Variants in KCNQ1 observed in about 807,000 individuals in gnomAD.
KCNQ1 encodes potassium voltage-gated channel subfamily KQT member 1.
Under a neutral mutation model 72.4 loss-of-function variants are expected in KCNQ1, and 49 were observed. The ratio of observed to expected loss-of-function variants is 0.68; its 90% CI spans 0.54 to 0.86. KCNQ1 has a LOEUF of 0.86. KCNQ1 is among the 40% of genes least tolerant of loss of function. KCNQ1 has a pLI of 0.00. For synonymous variants in KCNQ1, 450 were observed against 412.6 expected (o/e 1.09, Z -1.10); for missense variants, 790 against 945.1 (o/e 0.84, Z 2.15).
chr11:2,501,902 C>T (rs1453686522), intron 1 of KCNQ1, among the ~76,000 whole-genome samples: 1 of 152,172 alleles, frequency 6.6e-6, no homozygotes, highest in Non-Finnish European at 1.5e-5. Context: ...ATATGCAAAT[C>T]ACTTTATGTG....
chr11:2,728,180 CT>C (rs1776599142), intron 11 of KCNQ1, among the ~76,000 whole-genome samples: 1 of 152,154 alleles, frequency 6.6e-6, no homozygotes, highest in Admixed American at 6.5e-5. Flanking sequence ...CAGGCCTCAC[CT>C]CTTTTGCCCC....
chr11:2,773,355 C>T (rs577130567), intron 12 of KCNQ1, among the ~76,000 whole-genome samples: 1 of 151,986 alleles, frequency 6.6e-6, no homozygotes, highest in East Asian at 1.9e-4. Context: ...GGCTTAGCAT[C>T]CCATCTTATA....
intron 11 of KCNQ1, chr11:2,662,834 AC>A (rs1461295025): frequency 7.5e-6 from 3 of 398,724 alleles, no homozygotes; most frequent in African/African-American, 4.1e-5. Context: ...TCTGAGGGTC[AC>A]TTGTGGAAAC....
intron 10 of KCNQ1, chr11:2,619,307 G>A: frequency 2.5e-6 from 1 of 398,386 alleles, no homozygotes; most frequent in Non-Finnish European, 4.4e-6. Flanking sequence ...CGTTAGCTGT[G>A]GGCTTTTCAT....
intron 1 of KCNQ1, among the ~76,000 whole-genome samples, chr11:2,476,751 A>G (rs1351671555): frequency 6.8e-6 from 1 of 146,410 alleles, no homozygotes; most frequent in African/African-American, 2.5e-5. Context: ...CAGTGGTGCA[A>G]TCTTGGCTTA....
At chr11:2,791,808 G>A (rs1847030612) in intron 15 of KCNQ1, among the ~76,000 whole-genome samples, 1 of 152,088 alleles carries the variant, frequency 6.6e-6, no homozygotes, top group Non-Finnish European at 1.5e-5. Context: ...CCGGGCGGTG[G>A]GACCGGCTTC....
At position 2,571,874 on chromosome 11, in the gene KCNQ1, T is replaced by C. The variant is rs1848339709; in HGVS notation, c.684-139T>C. On this transcript the variant is annotated intron_variant, in intron 4 of 15. Coordinates refer to ENST00000155840, the MANE Select transcript of KCNQ1 (RefSeq NM_000218.3). ...TCCCAGGCCCCTGTCGGGATGGACA[T>C]ATACCCAGCCTCCCCACCCAGAGTG... The C allele has an allele frequency of 1.1e-5, 8 of 711,094 alleles. No homozygotes were observed. In the Admixed American group the frequency reaches 1.7e-4, roughly 15 times the overall value. 44.0% of individuals were successfully genotyped at this position (711,094 alleles called of 1,614,324 possible). A position where few individuals can be genotyped will look rare whatever the true frequency, so the allele number is the denominator to read the frequency against.
At chr11:2,532,154 T>A (rs1847646175) in intron 2 of KCNQ1, among the ~76,000 whole-genome samples, 1 of 152,158 alleles carries the variant, frequency 6.6e-6, no homozygotes, top group Non-Finnish European at 1.5e-5. Context: ...CCTGCCCTGT[T>A]CTGGGTTCAT....
intron 6 of KCNQ1, among the ~76,000 whole-genome samples, chr11:2,582,889 C>T (rs538412326): frequency 4.6e-5 from 7 of 152,284 alleles, no homozygotes; most frequent in Admixed American, 6.5e-5. Context: ...TCCCACCACA[C>T]GTCCTGGACG....
chr11:2,448,417 G>T (rs1455181161), intron 1 of KCNQ1, among the ~76,000 whole-genome samples: 1 of 152,198 alleles, frequency 6.6e-6, no homozygotes, highest in African/African-American at 2.4e-5. Flanking sequence ...CCAGAAGCAG[G>T]TCCCAGAGGT....
At chr11:2,733,814 A>ACT (rs1554914246) in intron 11 of KCNQ1, among the ~76,000 whole-genome samples, 12 of 86,650 alleles carry the variant, frequency 1.4e-4, no homozygotes, top group Middle Eastern at 6.9e-3. Context: ...ACACACACAC[A>ACT]CTCTCTCACT....
At chr11:2,802,978 C>A (rs1174240347) in intron 15 of KCNQ1, among the ~76,000 whole-genome samples, 3 of 152,210 alleles carry the variant, frequency 2.0e-5, no homozygotes, top group African/African-American at 7.2e-5. Flanking sequence ...ACAGGGCAAC[C>A]CCTCAGCTCC....
In KCNQ1 at chr11:2,626,531, G is replaced by A. The variant is rs1051843843; in HGVS notation, c.1394-35430G>A. On this transcript the variant is annotated intron_variant, in intron 10 of 15. Coordinates refer to ENST00000155840, the MANE Select transcript of KCNQ1 (RefSeq NM_000218.3). This position sits in a 1 kb window ranked among gnomAD's most constrained non-coding sequence, Gnocchi z 4.0. ...ATTACTGTAGCTTCGTAATAAGTTG[G>A]GGTTTTTGTTTGTTTTTCAGACATT... 1 of 398,464 alleles carries A rather than the reference G, an allele frequency of 2.5e-6. No individual in the cohort carries two copies. 24.7% of individuals were successfully genotyped at this position (398,464 alleles called of 1,614,324 possible).
rs1034792794 is a variant in KCNQ1, at chr11:2,735,924, T to C, written c.1515-32920T>C. Among the ~76,000 whole-genome samples the C allele has an allele frequency of 6.6e-6, 1 of 151,710 alleles. No homozygotes were observed. Among genetic ancestry groups the C allele is most frequent in the Non-Finnish European group, 1.5e-5 (1 of 68,006 alleles). ...TAAGACCCCATCTCCAGACACACAG[T>C]CACAGTCAGAGGCAGGAGGAGGTGG... On this transcript the variant is annotated intron_variant, in intron 11 of 15. Transcript: ENST00000155840. This position sits in a 1 kb window ranked among gnomAD's most constrained non-coding sequence, Gnocchi z 7.7.
intron 10 of KCNQ1, chr11:2,630,931 T>C: frequency 2.5e-6 from 1 of 398,554 alleles, no homozygotes; most frequent in Non-Finnish European, 4.4e-6. Context: ...GGAAAGTTTT[T>C]GCTCAGAAAT....
In KCNQ1 at chr11:2,690,638, C is replaced by T. The variant is rs1047380308; in HGVS notation, c.1514+28557C>T. On this transcript the variant is annotated intron_variant, in intron 11 of 15. Coordinates refer to ENST00000155840, the MANE Select transcript of KCNQ1 (RefSeq NM_000218.3). The surrounding 1 kb of genome is among the most constrained non-coding windows in gnomAD (Gnocchi z 5.1). ...GCATGTTCATATATGTGTCAGAATG[C>T]GTATTTGTCAGTGTATGTGTGTCAG... The T allele has an allele frequency of 4.8e-5, 19 of 398,506 alleles. No homozygotes were observed. The highest frequency in any genetic ancestry group is 1.0e-4 in the African/African-American group (5 of 48,608). 24.7% of individuals were successfully genotyped at this position (398,506 alleles called of 1,614,324 possible).
In KCNQ1 at chr11:2,445,430, A is replaced by G. The variant is rs199472678; in HGVS notation, c.332A>G (p.Tyr111Cys). 5 of 1,597,746 alleles carry G rather than the reference A, an allele frequency of 3.1e-6. No individual in the cohort carries two copies. The highest frequency in any genetic ancestry group is 3.4e-6 in the Non-Finnish European group (4 of 1,179,698). ...CGCACCCACGTCCAGGGCCGCGTCT[A>G]CAACTTCCTCGAGCGTCCCACCGGC... ...LARTHVQGRVYNFLERPTGWK... is the reference protein window; with the variant it reads ...LARTHVQGRVCNFLERPTGWK... Residue 111 changes from tyrosine to cysteine, a missense_variant, in exon 1 of 16, where the codon TAC (tyrosine) becomes TGC (cysteine). Around this residue, in one of 5 missense-constraint regions of KCNQ1, gnomAD observed 294 missense variants for 323.3 expected, o/e 0.91. Coordinates refer to ENST00000155840, the MANE Select transcript of KCNQ1 (RefSeq NM_000218.3).
chr11:2,816,752 C>T lies in KCNQ1; in HGVS notation c.1795-31015C>T, dbSNP rs1027640608. On this transcript the variant is annotated intron_variant, in intron 15 of 15. Transcript: ENST00000155840. This position sits in a 1 kb window ranked among gnomAD's most constrained non-coding sequence, Gnocchi z 6.8. ...CTGGCTGGACTCCCTGCACTGAACG[C>T]TCCTCCCAGCTCATGCTTTCCAAAG... 2.0e-5 allele frequency among the ~76,000 whole-genome samples: 3 copies of T among 152,158 alleles called. No homozygotes were observed. The highest frequency in any genetic ancestry group is 2.9e-5 in the Non-Finnish European group (2 of 68,010).
Position 2,659,190 on chromosome 11 carries a change from T to G in KCNQ1, c.1394-2771T>G. On this transcript the variant is annotated intron_variant, in intron 10 of 15. Transcript: ENST00000155840. The surrounding 1 kb of genome is among the most constrained non-coding windows in gnomAD (Gnocchi z 4.3). Reference sequence around the variant, plus strand: ...TTTGACAGATGTCTGGAGTCATGTGTCCACAATCCAGTATCATTCACAGAA... The same window carrying G: ...TTTGACAGATGTCTGGAGTCATGTGGCCACAATCCAGTATCATTCACAGAA... The G allele has an allele frequency of 2.5e-6, 1 of 398,620 alleles. No individual in the cohort carries two copies. The allele number at this position is 398,620 out of a possible 1,614,324, so 24.7% of individuals were successfully genotyped here.
Sources: gnomAD v4.1 joint callset for allele counts (sites outside exome capture counted in the v4.1 genomes callset) on GRCh38, gnomAD v4.1.1 for gene constraint, gnomAD v4.1.1 regional missense constraint, Gnocchi (gnomAD v3.1) non-coding constraint, MANE v1.5 for transcripts, NCBI Gene and HGNC (gene_info 2026-07-23, HGNC 2026-07-21) for gene names.